RGL1: variants seen among roughly 807,000 people sequenced by gnomAD.
RGL1 encodes ral guanine nucleotide dissociation stimulator like 1, also known as ral guanine nucleotide dissociation stimulator-like 1.
Under a neutral mutation model 95.2 loss-of-function variants are expected in RGL1, and 24 were observed. The observed-to-expected ratio is 0.25, with a 90% CI of 0.18 to 0.35. The LOEUF is 0.35. RGL1 is among the 10% of genes least tolerant of loss of function. RGL1 has a pLI of 1.00. For missense variants in RGL1, 715 were observed against 936.3 expected, an observed-to-expected ratio of 0.76 and a Z score of 3.08; for synonymous variants, 329 against 344.9, an observed-to-expected ratio of 0.95 and a Z score of 0.51.
intron 2 of RGL1, among the ~76,000 whole-genome samples, chr1:183,819,237 C>T (rs112080967): frequency 0.01 from 1,568 of 152,282 alleles, 16 homozygotes; most frequent in Middle Eastern, 0.017. Context: ...AGGGATCTGA[C>T]ACATCTCCAT....
At chr1:183,794,067 CACA>C (rs1304998067) in intron 2 of RGL1, among the ~76,000 whole-genome samples, 1 of 151,298 alleles carries the variant, frequency 6.6e-6, no homozygotes, top group Non-Finnish European at 1.5e-5. Context: ...CACACACACA[CACA>C]CACACACACA....
At chr1:183,782,061 A>G (rs1173058619) in intron 2 of RGL1, among the ~76,000 whole-genome samples, 2 of 152,218 alleles carry the variant, frequency 1.3e-5, no homozygotes, top group Non-Finnish European at 2.9e-5. Flanking sequence ...TCTTAAGCTA[A>G]TCAATAGAAT....
In RGL1 at chr1:183,902,711, A is replaced by C. The variant is rs866784978; in HGVS notation, c.1350+111A>C. On this transcript the variant is annotated intron_variant, in intron 12 of 17. Coordinates refer to ENST00000360851, the MANE Select transcript of RGL1 (RefSeq NM_001297671.3). ...GAAAAAAATGAGTTAGCACCTACTG[A>C]ACGTTTATCATATACCATTTTGCTT... 4.3e-6 allele frequency: 4 copies of C among 935,318 alleles called. 1 individual carries two copies. The Middle Eastern group carries it at 9.2e-4, about 216-fold the overall frequency. The allele number at this position is 935,318 out of a possible 1,614,324, so 57.9% of individuals were successfully genotyped here. A position where few individuals can be genotyped will look rare whatever the true frequency, so the allele number is the denominator to read the frequency against.
intron 1 of RGL1, among the ~76,000 whole-genome samples, chr1:183,711,464 TG>T (rs1655261995): frequency 6.6e-6 from 1 of 151,616 alleles, no homozygotes; most frequent in Admixed American, 6.6e-5. Context: ...ATGTAGGAGG[TG>T]TTGGGGGGTG....
intron 8 of RGL1, among the ~76,000 whole-genome samples, 194 bp from the exon 9 acceptor site, chr1:183,891,883 A>G (rs1424650516): frequency 1.3e-5 from 2 of 151,928 alleles, no homozygotes; most frequent in East Asian, 3.9e-4. Flanking sequence ...GGGGTGGCCA[A>G]GTCCACCTTA....
rs542394613 is a variant in RGL1 at position 183,710,214 on chromosome 1, A to C, written c.-32-31912A>C. On this transcript the variant is annotated intron_variant, in intron 1 of 18. Transcript: ENST00000304685. ...CGGTACTGCAGGCTCTTCGATGCACACTCTTACCAGTGCTGTGGGAGCTCA... is the reference window on the plus strand; with the variant it reads ...CGGTACTGCAGGCTCTTCGATGCACCCTCTTACCAGTGCTGTGGGAGCTCA... 182 of 199,804 alleles carry C rather than the reference A, an allele frequency of 9.1e-4. 5 individuals carry two copies. In the South Asian group the frequency reaches 0.013, roughly 14 times the overall value. 12.4% of individuals were successfully genotyped at this position (199,804 alleles called of 1,614,324 possible). A position where few individuals can be genotyped will look rare whatever the true frequency, so the allele number is the denominator to read the frequency against.
intron 1 of RGL1, among the ~76,000 whole-genome samples, chr1:183,703,328 C>T (rs1038185809): frequency 1.3e-5 from 2 of 152,178 alleles, no homozygotes; most frequent in Non-Finnish European, 2.9e-5. Flanking sequence ...CATGTCGTTG[C>T]AGCAGGAGCA....
chr1:183,927,125 T>A lies in RGL1; in HGVS notation c.*833T>A, dbSNP rs1275556813. The stretch of plus-strand genomic sequence containing the variant: ...ATCATAATCATTGCACAAATAACCA[T>A]GTTCTTTGGTAATGAAGCCAGAAAA... On this transcript the variant is annotated 3_prime_UTR_variant, in exon 18 of 18. Coordinates refer to ENST00000360851, the MANE Select transcript of RGL1 (RefSeq NM_001297671.3). 3 of 152,592 alleles carry A rather than the reference T, an allele frequency of 2.0e-5. No homozygotes were observed. The East Asian group carries it at 5.8e-4, about 29-fold the overall frequency. 9.5% of individuals were successfully genotyped at this position (152,592 alleles called of 1,614,324 possible).
chr1:183,923,236 G>A (rs1170289221), intron 17 of RGL1, among the ~76,000 whole-genome samples: 1 of 152,190 alleles, frequency 6.6e-6, no homozygotes, highest in East Asian at 1.9e-4. Context: ...CATTCCACAA[G>A]CTAGGCTATG....
intron 1 of RGL1, among the ~76,000 whole-genome samples, chr1:183,737,625 G>C (rs1291186310): frequency 2.0e-5 from 3 of 150,922 alleles, no homozygotes; most frequent in African/African-American, 7.3e-5. Context: ...CTCATCTGCA[G>C]ATTGTTTCTC....
At position 183,912,139 on chromosome 1, in the gene RGL1, G is replaced by C. The variant is rs199704429; in HGVS notation, c.1620G>C (p.Lys540Asn). The C allele has an allele frequency of 6.2e-7, 1 of 1,614,070 alleles. No homozygotes were observed. Among genetic ancestry groups the C allele is most frequent in the Non-Finnish European group, 8.5e-7 (1 of 1,179,996 alleles). ...TSPTPTKEQP[K>N]STASGSSGES... ...CCACTCCCACCAAAGAGCAGCCCAA[G>C]TCCACTGCCAGCGGGAGCTCTGGTG... The change falls in exon 15 of 18, where the codon AAG (lysine) becomes AAC (asparagine). Residue 540 changes from lysine to asparagine, a missense_variant. Physicochemically the swap from Lys to Asn is moderately conservative, Grantham distance 94 (BLOSUM62 0). Coordinates refer to ENST00000360851, the MANE Select transcript of RGL1 (RefSeq NM_001297671.3).
At chr1:183,781,646 T>C (rs778654936) in intron 2 of RGL1, among the ~76,000 whole-genome samples, 13 of 152,240 alleles carry the variant, frequency 8.5e-5, no homozygotes, top group South Asian at 2.1e-4. Context: ...TACCCATCTC[T>C]ACATATATGT....
At chr1:183,742,982 C>T (rs951656013) in intron 2 of RGL1, among the ~76,000 whole-genome samples, 12 of 152,070 alleles carry the variant, frequency 7.9e-5, no homozygotes, top group South Asian at 4.1e-4. Context: ...CTTTTCAGCT[C>T]AGCAAATAAA....
intron 2 of RGL1, among the ~76,000 whole-genome samples, chr1:183,831,140 G>T (rs1401462866): frequency 6.6e-6 from 1 of 152,188 alleles, no homozygotes; most frequent in African/African-American, 2.4e-5. Context: ...ATCTGGTGTG[G>T]CAGGGGAAGA....
At chr1:183,833,767 A>G (rs908534823) in intron 2 of RGL1, among the ~76,000 whole-genome samples, 5 of 152,238 alleles carry the variant, frequency 3.3e-5, no homozygotes, top group African/African-American at 9.6e-5. Flanking sequence ...AATAGAATCC[A>G]TTGGTAAGTT....
At chr1:183,830,857 A>G (rs1663212004) in intron 2 of RGL1, among the ~76,000 whole-genome samples, 1 of 152,216 alleles carries the variant, frequency 6.6e-6, no homozygotes, top group African/African-American at 2.4e-5. Context: ...TTAGTTCAGA[A>G]AAACAGATTT....
At chr1:183,893,108 A>G (rs1667511442) in intron 9 of RGL1, among the ~76,000 whole-genome samples, 1 of 152,178 alleles carries the variant, frequency 6.6e-6, no homozygotes, top group African/African-American at 2.4e-5. Flanking sequence ...CTTCATAGAG[A>G]AGGTAAATTA....
At chr1:183,926,068 A>G (rs765372277) in intron 17 of RGL1, 37 bp from the exon 18 acceptor site, 1 of 1,587,970 alleles carries the variant, frequency 6.3e-7, no homozygotes, top group Non-Finnish European at 8.6e-7. Flanking sequence ...GCTGACCTCC[A>G]CAAGCTGACC....
At chr1:183,916,066 G>A (rs1668944709) in intron 15 of RGL1, among the ~76,000 whole-genome samples, 1 of 152,232 alleles carries the variant, frequency 6.6e-6, no homozygotes, top group African/African-American at 2.4e-5. Flanking sequence ...CAGTAGGACT[G>A]AATCAACTGC....
Sources: gnomAD v4.1 joint callset for allele counts (sites outside exome capture counted in the v4.1 genomes callset) on GRCh38, gnomAD v4.1.1 for gene constraint, MANE v1.5 for transcripts, NCBI Gene and HGNC (gene_info 2026-07-23, HGNC 2026-07-21) for gene names.